TTLL5: variants seen among roughly 807,000 people sequenced by gnomAD.
TTLL5 encodes the protein tubulin tyrosine ligase like 5.
A neutral mutation model predicts 168.4 loss-of-function variants in TTLL5; 132 were observed. The observed-to-expected ratio is 0.78, with a 90% CI of 0.68 to 0.91. TTLL5 has a LOEUF of 0.91. Ranked by LOEUF, TTLL5 falls within the 40% of genes least tolerant of loss-of-function variation. The probability of loss-of-function intolerance (pLI) is 0.00; values close to 1 mark genes in which losing one functional copy is unlikely to be tolerated. For missense variants in TTLL5, 1,545 were observed against 1,581.5 expected (o/e 0.98, Z 0.39); for synonymous variants, 546 against 558.6 (o/e 0.98, Z 0.32).
chr14:75,827,234 G>A (rs1047331114), intron 28 of TTLL5, among the ~76,000 whole-genome samples: 4 of 152,042 alleles, frequency 2.6e-5, no homozygotes, highest in Non-Finnish European at 5.9e-5. Context: ...GCTACACTGG[G>A]ACACAGTTTA....
At chr14:75,741,008 A>G (rs1477292479) in intron 15 of TTLL5, among the ~76,000 whole-genome samples, 19 of 152,198 alleles carry the variant, frequency 1.2e-4, no homozygotes, top group Admixed American at 1.1e-3. Flanking sequence ...TCTTCTCATC[A>G]TTGGTACTTG....
chr14:75,729,418 A>G (rs367744479), intron 12 of TTLL5, among the ~76,000 whole-genome samples: 3 of 152,150 alleles, frequency 2.0e-5, no homozygotes, highest in Non-Finnish European at 2.9e-5. Context: ...AAAATCTTCA[A>G]TGCCCATAGA....
At chr14:75,773,946 A>AGAGAGT (rs1891521835) in intron 21 of TTLL5, among the ~76,000 whole-genome samples, 1 of 44,974 alleles carries the variant, frequency 2.2e-5, no homozygotes, top group Non-Finnish European at 5.2e-5. Context: ...AGAGAGAGAG[A>AGAGAGT]GAGAGAGAGA....
intron 9 of TTLL5, among the ~76,000 whole-genome samples, chr14:75,713,450 A>T (rs1887232509): frequency 6.6e-6 from 1 of 152,202 alleles, no homozygotes; most frequent in Non-Finnish European, 1.5e-5. Context: ...TCACACAACG[A>T]TGAAATTGGC....
intron 17 of TTLL5, 144 bp from the exon 18 acceptor site, chr14:75,752,749 C>T: frequency 1.1e-5 from 6 of 553,488 alleles, no homozygotes; most frequent in South Asian, 7.6e-5. Context: ...CTGTCTTTTC[C>T]TTTGCCACTT....
intron 31 of TTLL5, among the ~76,000 whole-genome samples, chr14:75,941,843 C>CTTTTTTTTTTTT: frequency 1.4e-5 from 1 of 69,404 alleles, no homozygotes; most frequent in Non-Finnish European, 2.6e-5. Flanking sequence ...TCATGATGAA[C>CTTTTTTTTTTTT]TTTTTTTTTT....
chr14:75,853,948 G>A (rs1365440767), intron 28 of TTLL5, among the ~76,000 whole-genome samples: 1 of 152,000 alleles, frequency 6.6e-6, no homozygotes, highest in African/African-American at 2.4e-5. Flanking sequence ...AGAGGCTGAG[G>A]CATGAGAACT....
At position 75,737,722 on chromosome 14, in the gene TTLL5, C is replaced by T. The variant is rs1015648020; in HGVS notation, c.1281+2433C>T. ...ATTTTTATGTACCTATTTTTTTGCG[C>T]AGTTTAATAACAAAGTGAATGAAAA... On this transcript the variant is annotated intron_variant, in intron 15 of 31. Coordinates refer to ENST00000298832, the MANE Select transcript of TTLL5 (RefSeq NM_015072.5). The T allele has an allele frequency of 5.5e-6, 6 of 1,087,858 alleles. No individual in the cohort carries two copies. In the Admixed American group the frequency reaches 1.2e-4, roughly 23 times the overall value. 67.4% of individuals were successfully genotyped at this position (1,087,858 alleles called of 1,614,324 possible).
chr14:75,772,084 C>T lies in TTLL5; in HGVS notation c.2136+230C>T, dbSNP rs187298921. Among the ~76,000 whole-genome samples, 18 of 152,228 alleles carry T rather than the reference C, an allele frequency of 1.2e-4. 1 individual carries two copies. In the East Asian group the frequency reaches 2.9e-3, roughly 24 times the overall value. ...TTGACCTGGAGCTATGTTCATTACA[C>T]CATGTAGTGAAGGCATCAATGTATT... is the stretch of plus-strand genomic sequence containing the variant. On this transcript the variant is annotated intron_variant, in intron 21 of 31. Coordinates refer to ENST00000298832, the MANE Select transcript of TTLL5 (RefSeq NM_015072.5).
chr14:75,762,344 G>A (rs1171956920), intron 18 of TTLL5, among the ~76,000 whole-genome samples: 1 of 152,102 alleles, frequency 6.6e-6, no homozygotes, highest in African/African-American at 2.4e-5. Flanking sequence ...GCAGTGAATC[G>A]AGATGGCGCC....
At chr14:75,753,274 C>T (rs1233327231) in intron 18 of TTLL5, among the ~76,000 whole-genome samples, 3 of 152,192 alleles carry the variant, frequency 2.0e-5, no homozygotes, top group East Asian at 3.9e-4. Flanking sequence ...TTAATAGACA[C>T]GATTATCTGT....
chr14:75,665,729 G>A (rs1883204533), intron 2 of TTLL5, among the ~76,000 whole-genome samples: 1 of 152,216 alleles, frequency 6.6e-6, no homozygotes, highest in South Asian at 2.1e-4. Context: ...GTGGTTGTGG[G>A]TAATCCCAGC....
intron 31 of TTLL5, among the ~76,000 whole-genome samples, chr14:75,925,754 G>C (rs1457909621): frequency 6.6e-6 from 1 of 151,996 alleles, no homozygotes; most frequent in Non-Finnish European, 1.5e-5. Context: ...ACTCCAGCCT[G>C]GGCACCATTG....
intron 3 of TTLL5, among the ~76,000 whole-genome samples, chr14:75,679,033 TAA>T (rs1283762267): frequency 6.6e-6 from 1 of 152,214 alleles, no homozygotes; most frequent in Non-Finnish European, 1.5e-5. Context: ...GGATTCTCTG[TAA>T]ATAATAGCTT....
chr14:75,932,813 A>G (rs8011087), intron 31 of TTLL5, among the ~76,000 whole-genome samples: 122,322 of 152,128 alleles, frequency 0.8, 49,365 homozygotes, highest in African/African-American at 0.87. Context: ...AATAGTTGCC[A>G]TGTCTTCTTC....
chr14:75,794,486 G>A (rs1892893044), intron 27 of TTLL5, among the ~76,000 whole-genome samples: 1 of 151,006 alleles, frequency 6.6e-6, no homozygotes, highest in Admixed American at 6.6e-5. Context: ...GCCAATATTA[G>A]TGCTTACCTA....
chr14:75,846,819 C>G (rs1896573487), intron 28 of TTLL5, among the ~76,000 whole-genome samples: 1 of 144,152 alleles, frequency 6.9e-6, no homozygotes, highest in African/African-American at 2.6e-5. Flanking sequence ...AAAAGAATTA[C>G]AAGAGATAAT....
chr14:75,672,490 G>C (rs968925329), intron 3 of TTLL5, among the ~76,000 whole-genome samples: 1 of 152,074 alleles, frequency 6.6e-6, no homozygotes. Flanking sequence ...TGATCCACCC[G>C]CCTCGGCCTC....
intron 31 of TTLL5, among the ~76,000 whole-genome samples, chr14:75,921,815 G>A (rs1264965264): frequency 1.3e-5 from 2 of 152,116 alleles, no homozygotes; most frequent in East Asian, 1.9e-4. Context: ...AATTACCTTG[G>A]GCAATATGGC....
Sources: allele counts gnomAD v4.1 joint callset (sites outside exome capture counted in the v4.1 genomes callset), GRCh38; gene constraint gnomAD v4.1.1; transcripts MANE v1.5; gene names NCBI Gene and HGNC (gene_info 2026-07-23, HGNC 2026-07-21).